TBC1D32: variants seen among roughly 807,000 people sequenced by gnomAD.
The protein encoded by TBC1D32 is TBC1 domain family member 32.
TBC1D32 carries 151 observed loss-of-function variants against 170.3 expected under a neutral mutation model. The ratio of observed to expected loss-of-function variants is 0.89; its 90% CI spans 0.78 to 1.01. The LOEUF (loss-of-function observed/expected upper bound fraction) is 1.01. Ranked by LOEUF, TBC1D32 falls within the 50% of genes least tolerant of loss-of-function variation. The probability of loss-of-function intolerance (pLI) is 0.00; values close to 1 mark genes in which losing one functional copy is unlikely to be tolerated. For synonymous variants in TBC1D32, 498 were observed against 488.0 expected (o/e 1.02, Z -0.27); for missense variants, 1,464 against 1,457.1 (o/e 1.00, Z -0.08).
At chr6:121,128,567 T>C (rs185780945) in intron 25 of TBC1D32, among the ~76,000 whole-genome samples, 1 of 152,282 alleles carries the variant, frequency 6.6e-6, no homozygotes, top group Non-Finnish European at 1.5e-5. Context: ...AAAGTAAATT[T>C]TTACATTTTA....
intron 21 of TBC1D32, among the ~76,000 whole-genome samples, chr6:121,205,485 T>G (rs1189674224): frequency 1.3e-5 from 2 of 152,164 alleles, no homozygotes; most frequent in Admixed American, 1.3e-4. Flanking sequence ...AGTGAGCACC[T>G]TATACCATCA....
intron 20 of TBC1D32, among the ~76,000 whole-genome samples, chr6:121,230,998 C>T (rs1452668855): frequency 3.9e-5 from 6 of 152,024 alleles, no homozygotes; most frequent in Non-Finnish European, 7.4e-5. Context: ...CCTTGGTGTC[C>T]TCATAGCTTA....
intron 19 of TBC1D32, 32 bp from the exon 20 acceptor site, chr6:121,239,220 A>G: frequency 7.7e-7 from 1 of 1,291,170 alleles, no homozygotes; most frequent in Non-Finnish European, 1.1e-6. Context: ...AGTCATTTAT[A>G]GCATAATATT....
At chr6:121,097,401 T>C (rs1400410444) in intron 30 of TBC1D32, among the ~76,000 whole-genome samples, 1 of 152,084 alleles carries the variant, frequency 6.6e-6, no homozygotes, top group Non-Finnish European at 1.5e-5. Context: ...CAGACACTTC[T>C]CAAAAGAAGA....
chr6:121,119,271 C>T (rs1780018881), intron 26 of TBC1D32, among the ~76,000 whole-genome samples: 2 of 152,016 alleles, frequency 1.3e-5, no homozygotes, highest in African/African-American at 4.8e-5. Context: ...TGTTTAATTC[C>T]TAATTTTAGG....
chr6:121,087,284 A>G (rs1245210141), intron 31 of TBC1D32, among the ~76,000 whole-genome samples: 4 of 152,216 alleles, frequency 2.6e-5, no homozygotes, highest in Non-Finnish European at 5.9e-5. Context: ...AGTTCTGCCT[A>G]TTAGTGTTCA....
chr6:121,125,785 C>T (rs1318038903), intron 26 of TBC1D32, among the ~76,000 whole-genome samples: 2 of 152,198 alleles, frequency 1.3e-5, no homozygotes, highest in African/African-American at 4.8e-5. Flanking sequence ...GTGTACATGT[C>T]ACCCAGTAAT....
At chr6:121,211,058 A>G (rs1404828846) in intron 21 of TBC1D32, among the ~76,000 whole-genome samples, 1 of 152,228 alleles carries the variant, frequency 6.6e-6, no homozygotes, top group Non-Finnish European at 1.5e-5. Flanking sequence ...ATTTATAATA[A>G]TAAAAGACTT....
intron 19 of TBC1D32, among the ~76,000 whole-genome samples, chr6:121,239,476 C>G (rs980196768): frequency 2.0e-5 from 3 of 152,206 alleles, no homozygotes; most frequent in Non-Finnish European, 4.4e-5. Context: ...TGGCCTATAA[C>G]TTCTCTGAGC....
chr6:121,308,313 G>A (rs1032705542), intron 4 of TBC1D32, among the ~76,000 whole-genome samples: 1 of 151,372 alleles, frequency 6.6e-6, no homozygotes, highest in African/African-American at 2.4e-5. Context: ...TTTGTGTAAA[G>A]CAAAAATTAA....
At chr6:121,276,563 A>C (rs1477640747) in intron 15 of TBC1D32, among the ~76,000 whole-genome samples, 1 of 152,220 alleles carries the variant, frequency 6.6e-6, no homozygotes, top group Non-Finnish European at 1.5e-5. Context: ...AATTATATCA[A>C]TAATTAATTG....
intron 24 of TBC1D32, among the ~76,000 whole-genome samples, chr6:121,147,008 T>C (rs531140011): frequency 1.2e-4 from 19 of 152,214 alleles, no homozygotes; most frequent in Admixed American, 3.9e-4. Context: ...CTAGTGTATA[T>C]TGTTTCTATC....
At chr6:121,139,032 G>C (rs1462420334) in intron 24 of TBC1D32, among the ~76,000 whole-genome samples, 1 of 152,024 alleles carries the variant, frequency 6.6e-6, no homozygotes, top group Non-Finnish European at 1.5e-5. Flanking sequence ...ATTTTTAGTA[G>C]AGACAGGGTT....
chr6:121,311,005 C>T (rs1808109317), intron 3 of TBC1D32, among the ~76,000 whole-genome samples, 158 bp from the exon 4 acceptor site: 1 of 152,078 alleles, frequency 6.6e-6, no homozygotes. Flanking sequence ...TTTTTCTTCC[C>T]AAGGCTTTTA....
chr6:121,256,472 GA>G (rs946720204), intron 15 of TBC1D32, among the ~76,000 whole-genome samples, 187 bp from the exon 16 acceptor site: 3 of 151,832 alleles, frequency 2.0e-5, no homozygotes, highest in African/African-American at 7.2e-5. Context: ...GGGATGGAAG[GA>G]AAAAAATACA....
intron 17 of TBC1D32, among the ~76,000 whole-genome samples, chr6:121,254,657 A>C (rs1464511759): frequency 6.6e-6 from 1 of 152,118 alleles, no homozygotes; most frequent in Non-Finnish European, 1.5e-5. Flanking sequence ...TACCTTAAAA[A>C]AATTCAAATT....
At chr6:121,082,721 G>A (rs1775768721) in intron 31 of TBC1D32, among the ~76,000 whole-genome samples, 1 of 151,466 alleles carries the variant, frequency 6.6e-6, no homozygotes, top group Non-Finnish European at 1.5e-5. Context: ...AACCACCTAG[G>A]GACAGCCACA....
At chr6:121,171,905 C>T (rs528928991) in intron 22 of TBC1D32, among the ~76,000 whole-genome samples, 12 of 152,148 alleles carry the variant, frequency 7.9e-5, no homozygotes, top group African/African-American at 1.4e-4. Context: ...CAAGAAGAAA[C>T]CAATCTTCCA....
intron 15 of TBC1D32, among the ~76,000 whole-genome samples, chr6:121,265,559 C>A (rs954123086): frequency 2.7e-5 from 4 of 147,824 alleles, no homozygotes; most frequent in Admixed American, 2.1e-4. Context: ...AGAAAAAAAA[C>A]TACTTAAAAA....
Sources: allele counts gnomAD v4.1 joint callset (sites outside exome capture counted in the v4.1 genomes callset), GRCh38; gene constraint gnomAD v4.1.1; transcripts MANE v1.5; gene names NCBI Gene and HGNC (gene_info 2026-07-23, HGNC 2026-07-21).